Variants in RASGEF1C observed in about 807,000 individuals in gnomAD.
RASGEF1C encodes the protein RasGEF domain family member 1C.
RASGEF1C carries 27 observed loss-of-function variants against 58.1 expected under a neutral mutation model. That is an observed-to-expected ratio of 0.46 (90% CI 0.34 to 0.64). RASGEF1C has a LOEUF of 0.64. Ranked by LOEUF, RASGEF1C falls within the 30% of genes least tolerant of loss-of-function variation. The pLI is 0.01. For synonymous variants in RASGEF1C, 243 were observed against 246.3 expected, an observed-to-expected ratio of 0.99 and a Z score of 0.13; for missense variants, 502 against 605.1, an observed-to-expected ratio of 0.83 and a Z score of 1.79.
At chr5:180,182,305 C>T (rs12659560) in intron 1 of RASGEF1C, among the ~76,000 whole-genome samples, 69,130 of 150,724 alleles carry the variant, frequency 0.46, 16,298 homozygotes, top group African/African-American at 0.56. Context: ...TTCTTCCTTC[C>T]GGTGGGTTTG....
At chr5:180,173,892 A>T (rs59806822) in intron 1 of RASGEF1C, among the ~76,000 whole-genome samples, 2 of 146,936 alleles carry the variant, frequency 1.4e-5, no homozygotes, top group East Asian at 2.0e-4. Flanking sequence ...CAGCCTGGGC[A>T]ACAGAGCGAG....
rs569246048 is a variant in RASGEF1C at position 180,116,358 on chromosome 5, G to A, written c.1084-1817C>T. ...ACAGGAAGGAAGCGTAAAGTGCTAC[G>A]ACCACCGAGATCTCCCAGCCCCATC... On this transcript the variant is annotated intron_variant, in intron 10 of 13. Coordinates refer to ENST00000361132, the MANE Select transcript of RASGEF1C (RefSeq NM_175062.4). Among the ~76,000 whole-genome samples, 5 of 152,216 alleles carry A rather than the reference G, an allele frequency of 3.3e-5. No individual in the cohort carries two copies. In the East Asian group the frequency reaches 7.8e-4, roughly 24 times the overall value.
At position 180,137,109 on chromosome 5, in the gene RASGEF1C, G is replaced by A. The variant is rs1766494760; in HGVS notation, c.300+481C>T. Reference sequence around the variant, plus strand: ...GGTGCAGTGCTGTGGTGTGAGGCCCGAGCCAGCGGTCCCTGAGATAGGGCA... The same window carrying A: ...GGTGCAGTGCTGTGGTGTGAGGCCCAAGCCAGCGGTCCCTGAGATAGGGCA... On this transcript the variant is annotated intron_variant, in intron 3 of 13. Coordinates refer to ENST00000361132, the MANE Select transcript of RASGEF1C (RefSeq NM_175062.4). This position sits in a 1 kb window ranked among gnomAD's most constrained non-coding sequence, Gnocchi z 4.1. Among the ~76,000 whole-genome samples, 1 of 152,170 alleles carries A rather than the reference G, an allele frequency of 6.6e-6. No homozygotes were observed. The highest frequency in any genetic ancestry group is 2.1e-4 in the South Asian group (1 of 4,838).
In RASGEF1C at chr5:180,128,426, A is replaced by C. The variant is rs768284049; in HGVS notation, c.623T>G (p.Leu208Arg). The C allele has an allele frequency of 6.2e-7, 1 of 1,613,678 alleles. No individual in the cohort carries two copies. Among genetic ancestry groups the C allele is most frequent in the Non-Finnish European group, 8.5e-7 (1 of 1,179,954 alleles). The change falls in exon 5 of 14, where the codon CTG becomes CGG. Residue 208 changes from leucine (L) to arginine (R), a missense_variant. By Grantham distance (102) the Leu-to-Arg change is moderately radical. Coordinates refer to ENST00000361132, the MANE Select transcript of RASGEF1C (RefSeq NM_175062.4). ...CSDPYTLAQQ[L>R]THVELERLRH... is the part of the protein sequence containing the mutation. Reference sequence around the variant, plus strand: ...CCGGCTTACCAGTTCCACGTGGGTCAGCTGCTGGGCCAGTGTGTAGGGGTC... The same window carrying C: ...CCGGCTTACCAGTTCCACGTGGGTCCGCTGCTGGGCCAGTGTGTAGGGGTC...
At chr5:180,167,655 T>G (rs973759507) in intron 1 of RASGEF1C, among the ~76,000 whole-genome samples, 2 of 152,240 alleles carry the variant, frequency 1.3e-5, no homozygotes, top group Admixed American at 6.5e-5. Context: ...ATGTAGCATT[T>G]TCATAATAGC....
intron 1 of RASGEF1C, among the ~76,000 whole-genome samples, chr5:180,153,941 G>A (rs1766809027): frequency 6.6e-6 from 1 of 152,218 alleles, no homozygotes; most frequent in South Asian, 2.1e-4. Flanking sequence ...CCAAATGTTG[G>A]TTTGTTGGGA....
At chr5:180,162,140 C>T (rs1766953149) in intron 1 of RASGEF1C, among the ~76,000 whole-genome samples, 1 of 152,242 alleles carries the variant, frequency 6.6e-6, no homozygotes, top group African/African-American at 2.4e-5. Flanking sequence ...TAGCACTGGC[C>T]TGCAGAGGGG....
At chr5:180,106,098 A>G (rs1765870777) in intron 12 of RASGEF1C, among the ~76,000 whole-genome samples, 1 of 152,182 alleles carries the variant, frequency 6.6e-6, no homozygotes, top group African/African-American at 2.4e-5. Context: ...TATTTCTGGA[A>G]TTTTCCATTT....
intron 11 of RASGEF1C, among the ~76,000 whole-genome samples, chr5:180,112,143 G>C (rs1207619036): frequency 6.6e-6 from 1 of 152,038 alleles, no homozygotes; most frequent in Non-Finnish European, 1.5e-5. Context: ...TTCAGGAAGG[G>C]CTAAGGCAGG....
chr5:180,110,634 A>C (rs1458333566), intron 12 of RASGEF1C, among the ~76,000 whole-genome samples: 1 of 152,108 alleles, frequency 6.6e-6, no homozygotes, highest in Non-Finnish European at 1.5e-5. Flanking sequence ...GCACGCTTGC[A>C]AGCAAACCTA....
chr5:180,101,663 TG>T, intron 13 of RASGEF1C, 138 bp from the exon 14 acceptor site: 1 of 1,078,312 alleles, frequency 9.3e-7, no homozygotes, highest in Non-Finnish European at 1.3e-6. Context: ...TGCAAATCCC[TG>T]GGGCTCAGCC....
At chr5:180,174,487 T>TGC (rs1554114708) in intron 1 of RASGEF1C, among the ~76,000 whole-genome samples, 5 of 126,156 alleles carry the variant, frequency 4.0e-5, no homozygotes, top group South Asian at 2.8e-4. Flanking sequence ...TGTCTGTGTG[T>TGC]GCGCGTGTGT....
intron 1 of RASGEF1C, among the ~76,000 whole-genome samples, chr5:180,206,509 G>A (rs939945672): frequency 2.6e-5 from 4 of 152,126 alleles, no homozygotes; most frequent in Non-Finnish European, 5.9e-5. Flanking sequence ...AATGCAAAAC[G>A]GTGCTACCTC....
At position 180,200,822 on chromosome 5, in the gene RASGEF1C, A is replaced by T. The variant is rs1471015449; in HGVS notation, c.-7+8206T>A. Among the ~76,000 whole-genome samples the T allele has an allele frequency of 5.9e-5, 9 of 152,134 alleles. No homozygotes were observed. In the South Asian group the frequency reaches 1.7e-3, roughly 28 times the overall value. ...GCTCCTCTAACTGGTGTGGGCGAGG[A>T]AAGCCAACCTTCAGAACCGGCTCCA... On this transcript the variant is annotated intron_variant, in intron 1 of 13. Coordinates refer to ENST00000361132, the MANE Select transcript of RASGEF1C (RefSeq NM_175062.4).
At chr5:180,113,003 G>GA (rs1765988137) in intron 11 of RASGEF1C, among the ~76,000 whole-genome samples, 1 of 121,190 alleles carries the variant, frequency 8.3e-6, no homozygotes. Flanking sequence ...GGAGGGATCC[G>GA]GGCTGGACGG....
chr5:180,124,487 T>C (rs1266548726), intron 6 of RASGEF1C, among the ~76,000 whole-genome samples: 2 of 152,198 alleles, frequency 1.3e-5, no homozygotes, highest in Non-Finnish European at 2.9e-5. Context: ...ATTTCATTTA[T>C]CCCAGTTTCG....
intron 1 of RASGEF1C, among the ~76,000 whole-genome samples, chr5:180,139,119 C>A (rs928316862): frequency 6.6e-6 from 1 of 152,156 alleles, no homozygotes; most frequent in Non-Finnish European, 1.5e-5. Context: ...CTCTGAGTGA[C>A]GGGCCTGGCA....
At chr5:180,185,277 C>T (rs530646933) in intron 1 of RASGEF1C, among the ~76,000 whole-genome samples, 3 of 102,658 alleles carry the variant, frequency 2.9e-5, no homozygotes, top group East Asian at 2.9e-4. Flanking sequence ...AGTGACAGAG[C>T]GAGACTCTGT....
At position 180,101,215 on chromosome 5, in the gene RASGEF1C, A is replaced by C; in HGVS notation, c.*286T>G. 2.0e-6 allele frequency: 1 copy of C among 500,126 alleles called. No homozygotes were observed. The allele number at this position is 500,126 out of a possible 1,614,324, so 31.0% of individuals were successfully genotyped here. ...GGGCAGTGTTGTGTCCTTGCCGAGGATGGACAGACTGACCAGGCCCCACGG... is the reference window on the plus strand; with the variant it reads ...GGGCAGTGTTGTGTCCTTGCCGAGGCTGGACAGACTGACCAGGCCCCACGG... On this transcript the variant is annotated 3_prime_UTR_variant, in exon 14 of 14. Transcript: ENST00000361132.
Sources: allele counts gnomAD v4.1 joint callset (sites outside exome capture counted in the v4.1 genomes callset), GRCh38; gene constraint gnomAD v4.1.1; non-coding constraint Gnocchi (gnomAD v3.1); transcripts MANE v1.5; gene names NCBI Gene and HGNC (gene_info 2026-07-23, HGNC 2026-07-21).